The following FCSK variants were observed in gnomAD, a reference collection of about 807,000 sequenced individuals.
FCSK encodes the protein L-fucose kinase.
A neutral mutation model predicts 122.5 loss-of-function variants in FCSK; 123 were observed. That is an observed-to-expected ratio of 1.00 (90% confidence interval 0.87 to 1.17). The LOEUF (loss-of-function observed/expected upper bound fraction) is 1.17, where lower values mean the gene tolerates loss of function less well. FCSK is among the 50% of genes most tolerant of loss of function. The pLI is 0.00. For missense variants in FCSK, 1,366 were observed against 1,450.4 expected, an observed-to-expected ratio of 0.94 and a Z score of 0.95; for synonymous variants, 620 against 625.5, an observed-to-expected ratio of 0.99 and a Z score of 0.13.
At position 70,472,573 on chromosome 16, in the gene FCSK, C is replaced by G; in HGVS notation, c.1374C>G (p.Pro458=). The G allele has an allele frequency of 6.2e-7, 1 of 1,613,384 alleles. No homozygotes were observed. Among genetic ancestry groups the G allele is most frequent in the Non-Finnish European group, 8.5e-7 (1 of 1,179,682 alleles). The change falls in exon 14 of 24, where the codon CCC becomes CCG. Residue 458 remains proline, a synonymous_variant. Transcript: ENST00000288078. ...RQGAGTYLNV[P]WSEFFKRTGV... The stretch of plus-strand genomic sequence containing the variant: ...GGGCAGGCACATATCTCAACGTGCC[C>G]TGGAGTGAATTCTTCAAGAGGACAG...
In FCSK at chr16:70,479,293, C is replaced by G. The variant is rs191210378; in HGVS notation, c.3043C>G (p.His1015Asp). The stretch of plus-strand genomic sequence containing the variant: ...GCGTATGATGGATGTCCTGGCCCCC[C>G]ACGTGCATGGCCAGAGCCTGGCTGG... ...VRRMMDVLAPHVHGQSLAGAG... is the reference protein window; with the variant it reads ...VRRMMDVLAPDVHGQSLAGAG... Residue 1015 changes from histidine (H) to aspartate (D), a missense_variant, in exon 23 of 24, where the codon CAC (histidine) becomes GAC (aspartate). Coordinates refer to ENST00000288078, the MANE Select transcript of FCSK (RefSeq NM_145059.3). 2.9e-5 allele frequency: 47 copies of G among 1,613,924 alleles called. No homozygotes were observed. The highest frequency in any genetic ancestry group is 3.3e-5 in the South Asian group (3 of 91,086).
intron 11 of FCSK, 116 bp downstream of exon 11, chr16:70,470,542 C>A: frequency 1.5e-6 from 1 of 687,292 alleles, no homozygotes; most frequent in South Asian, 1.7e-5. Flanking sequence ...CAGGTGTTAC[C>A]CTGGTTTACA....
chr16:70,472,518 G>GA, intron 13 of FCSK, 23 bp from the exon 14 acceptor site: 2 of 1,605,444 alleles, frequency 1.2e-6, no homozygotes, highest in Non-Finnish European at 1.7e-6. Context: ...CTGCAGCCCT[G>GA]ACTGCTTCTT....
chr16:70,457,439 GA>G (rs141631491), intron 1 of FCSK, among the ~76,000 whole-genome samples: 72 of 152,124 alleles, frequency 4.7e-4, no homozygotes, highest in Non-Finnish European at 6.5e-4. Context: ...ACTTTTAAAA[GA>G]GATGGGGTTT....
Position 70,469,274 on chromosome 16 carries a change from C to A in FCSK, c.906C>A (p.Ser302Arg). The change falls in exon 10 of 24, where the codon AGC becomes AGA. Residue 302 changes from serine to arginine, a missense_variant. Transcript: ENST00000288078. ...GDADVAGYLQ[S>R]ARAQLWRELR... ...CAGATGTAGCGGGTTATCTGCAGAGCGCCCGGGCCCAGCTGTGGAGGGAGC... is the reference window on the plus strand; with the variant it reads ...CAGATGTAGCGGGTTATCTGCAGAGAGCCCGGGCCCAGCTGTGGAGGGAGC... 6.2e-7 allele frequency: 1 copy of A among 1,612,546 alleles called. No individual in the cohort carries two copies. The highest frequency in any genetic ancestry group is 1.1e-5 in the South Asian group (1 of 91,034).
intron 1 of FCSK, among the ~76,000 whole-genome samples, chr16:70,459,747 G>C (rs1389778377): frequency 6.9e-6 from 1 of 144,258 alleles, no homozygotes; most frequent in African/African-American, 2.6e-5. Flanking sequence ...CTCCTGACAT[G>C]GCCTCCCAAA....
chr16:70,479,125 G>A (rs2048916110), intron 22 of FCSK, 55 bp from the exon 23 acceptor site: 12 of 1,346,304 alleles, frequency 8.9e-6, no homozygotes, highest in Non-Finnish European at 1.3e-5. Context: ...GCAATCTCCA[G>A]ATGGGTGCTG....
rs557189476 is a variant in FCSK, at chr16:70,478,593, C to G, written c.2872C>G (p.Gln958Glu). ...SWYARLPAVV[Q>E]NAHSLVRQTE... ...GTATGCCCGACTTCCTGCTGTGGTG[C>G]AGAATGCCCACAGCCTGGTACGGCA... Residue 958 changes from glutamine (Q) to glutamate (E), a missense_variant, in exon 22 of 24, where the codon CAG becomes GAG. Coordinates refer to ENST00000288078, the MANE Select transcript of FCSK (RefSeq NM_145059.3). 2 of 1,613,768 alleles carry G rather than the reference C, an allele frequency of 1.2e-6. No individual in the cohort carries two copies. Among genetic ancestry groups the G allele is most frequent in the East Asian group, 4.5e-5 (2 of 44,878 alleles).
chr16:70,463,412 G>A (rs1165196124), intron 2 of FCSK, 140 bp downstream of exon 2: 2 of 886,778 alleles, frequency 2.3e-6, no homozygotes, highest in South Asian at 3.2e-5. Flanking sequence ...GACAGCATAC[G>A]TGGCATGTCA....
chr16:70,462,526 A>G (rs1222921013), intron 1 of FCSK, among the ~76,000 whole-genome samples: 2 of 152,170 alleles, frequency 1.3e-5, no homozygotes, highest in Non-Finnish European at 2.9e-5. Context: ...AGGTTTTGCC[A>G]TGTTGGCCAG....
At chr16:70,463,855 C>T (rs1182410181) in intron 3 of FCSK, 81 bp downstream of exon 3, 2 of 1,434,820 alleles carry the variant, frequency 1.4e-6, no homozygotes, top group Non-Finnish European at 1.9e-6. Context: ...GCTCCTCTGG[C>T]TCCATCGCCT....
rs1426576967 is a variant in FCSK, at chr16:70,474,117, C to T, written c.1778-12C>T. 6.5e-7 allele frequency: 1 copy of T among 1,548,922 alleles called. No individual in the cohort carries two copies. Among genetic ancestry groups the T allele is most frequent in the South Asian group, 1.2e-5 (1 of 83,994 alleles). On this transcript the variant is annotated splice_polypyrimidine_tract_variant and intron_variant, in intron 15 of 23. Transcript: ENST00000288078. ...CCTCCTCCCCTGCCACCCCCAACTC[C>T]TTGTCCCTCAGTTGCAGCTGGGGCA...
At chr16:70,463,448 T>C (rs1383191190) in intron 2 of FCSK, among the ~76,000 whole-genome samples, 175 bp from the exon 3 acceptor site, 1 of 152,170 alleles carries the variant, frequency 6.6e-6, no homozygotes, top group Admixed American at 6.6e-5. Flanking sequence ...TTTTCTCATC[T>C]GTAAGATGGG....
chr16:70,475,876 C>A, intron 20 of FCSK, 109 bp downstream of exon 20: 1 of 1,136,002 alleles, frequency 8.8e-7, no homozygotes, highest in Non-Finnish European at 1.2e-6. Flanking sequence ...AGCCACAAGA[C>A]TGTGCTGCTG....
intron 1 of FCSK, among the ~76,000 whole-genome samples, chr16:70,459,280 C>T (rs1490812615): frequency 1.3e-5 from 2 of 151,402 alleles, no homozygotes; most frequent in Non-Finnish European, 2.9e-5. Flanking sequence ...CATGGTGGCT[C>T]ATTCCCAGCA....
rs532974276 is a variant in FCSK, at chr16:70,466,799, C to T, written c.412-83C>T. On this transcript the variant is annotated intron_variant, in intron 5 of 23. Coordinates refer to ENST00000288078, the MANE Select transcript of FCSK (RefSeq NM_145059.3). The stretch of plus-strand genomic sequence containing the variant: ...GTCTTGGAGGCCCTTGTTACTTCAA[C>T]AGCACAGTATCCTTGGGCAAGGAGG... 264 of 1,288,980 alleles carry T rather than the reference C, an allele frequency of 2.0e-4. 3 individuals are homozygous for T. The highest frequency in any genetic ancestry group is 1.3e-3 in the Admixed American group (69 of 52,334). The allele number at this position is 1,288,980 out of a possible 1,614,324, so 79.8% of individuals were successfully genotyped here.
In FCSK at chr16:70,474,901, C is replaced by G. The variant is rs371988447; in HGVS notation, c.2267C>G (p.Pro756Arg). 3.7e-5 allele frequency: 59 copies of G among 1,609,258 alleles called. No individual in the cohort carries two copies. Among genetic ancestry groups the G allele is most frequent in the Non-Finnish European group, 4.9e-5 (58 of 1,178,466 alleles). ...ATCGGAGCCAGGGCACGCCGCATCC[C>G]GGAGCCTGAGCTGTGGCTGGCGGTG... ...RPIGARARRI[P>R]EPELWLAVGP... is the part of the protein sequence containing the mutation. Residue 756 changes from proline (P) to arginine (R), a missense_variant, in exon 18 of 24, where the codon CCG becomes CGG. By Grantham distance (103) the Pro-to-Arg change is moderately radical. Coordinates refer to ENST00000288078, the MANE Select transcript of FCSK (RefSeq NM_145059.3).
rs1046084956 is a variant in FCSK, at chr16:70,479,723, T to G, written c.*43T>G. ...AACAGGAGAAAACCTGGAGCTACAG[T>G]GTCCCCCACCTTCCTTGCCCCATGG... On this transcript the variant is annotated 3_prime_UTR_variant, in exon 24 of 24. Coordinates refer to ENST00000288078, the MANE Select transcript of FCSK (RefSeq NM_145059.3). 3 of 1,511,494 alleles carry G rather than the reference T, an allele frequency of 2.0e-6. No individual in the cohort carries two copies. Among genetic ancestry groups the G allele is most frequent in the Non-Finnish European group, 2.7e-6 (3 of 1,093,136 alleles). 93.6% of individuals were successfully genotyped at this position (1,511,494 alleles called of 1,614,324 possible). A position where few individuals can be genotyped will look rare whatever the true frequency, so the allele number is the denominator to read the frequency against.
rs371159895 is a variant in FCSK, at chr16:70,470,400, G to T, written c.1042G>T (p.Ala348Ser). The T allele has an allele frequency of 1.6e-4, 260 of 1,612,808 alleles. No individual in the cohort carries two copies. Among genetic ancestry groups the T allele is most frequent in the Non-Finnish European group, 2.0e-4 (238 of 1,179,486 alleles). ...LSLTLPGAPG[A>S]QIVHSQVEEQ... ...CCTCACACTCCCCGGGGCTCCTGGG[G>T]CCCAGATTGTGCACTCCCAGGTGGA... The change falls in exon 11 of 24, where the codon GCC becomes TCC. Residue 348 changes from alanine to serine, a missense_variant. Ala to Ser is a moderately conservative substitution (Grantham distance 99). Transcript: ENST00000288078.
Sources: gnomAD v4.1 joint callset for allele counts (sites outside exome capture counted in the v4.1 genomes callset) on GRCh38, gnomAD v4.1.1 for gene constraint, MANE v1.5 for transcripts, NCBI Gene and HGNC (gene_info 2026-07-23, HGNC 2026-07-21) for gene names.